CNBD1: variants seen among roughly 807,000 people sequenced by gnomAD.
The protein encoded by CNBD1 is cyclic nucleotide binding domain containing 1, also known as cyclic nucleotide-binding domain-containing protein 1.
Under a neutral mutation model 54.4 loss-of-function variants are expected in CNBD1, and 71 were observed. The ratio of observed to expected loss-of-function variants is 1.30; its 90% CI spans 1.08 to 1.59. The LOEUF is 1.59. Ranked by LOEUF, CNBD1 falls within the 40% of genes most tolerant of loss-of-function variation. The probability of loss-of-function intolerance (pLI) is 0.00; values close to 1 mark genes in which losing one functional copy is unlikely to be tolerated. For synonymous variants in CNBD1, 182 were observed against 170.7 expected (o/e 1.07, Z -0.51); for missense variants, 659 against 518.0 (o/e 1.27, Z -2.64).
intron 4 of CNBD1, among the ~76,000 whole-genome samples, chr8:86,999,876 G>A (rs191414629): frequency 1.6e-3 from 244 of 152,282 alleles, no homozygotes; most frequent in Middle Eastern, 0.01. Context: ...TTGGCCCATG[G>A]GGCAGAACCA....
intron 6 of CNBD1, among the ~76,000 whole-genome samples, chr8:87,255,988 TATATATATATATATATATATATATATA>T (rs1808001932): frequency 7.0e-4 from 8 of 11,436 alleles, no homozygotes; most frequent in South Asian, 2.8e-3. Flanking sequence ...TATATATATA[TATATATATATATATATATATATATATA>T]TTTTTTTTTT....
intron 8 of CNBD1, among the ~76,000 whole-genome samples, chr8:87,299,905 C>A (rs1300211754): frequency 6.6e-6 from 1 of 152,122 alleles, no homozygotes; most frequent in East Asian, 1.9e-4. Context: ...TCTCTCTGTT[C>A]TTTTCTCCTT....
At chr8:87,106,646 T>C (rs944512959) in intron 4 of CNBD1, among the ~76,000 whole-genome samples, 2 of 152,184 alleles carry the variant, frequency 1.3e-5, no homozygotes, top group East Asian at 3.8e-4. Context: ...TTCTCTACCC[T>C]TTTTTGGTTC....
intron 2 of CNBD1, among the ~76,000 whole-genome samples, chr8:86,901,939 A>G (rs1168160942): frequency 1.3e-5 from 2 of 152,084 alleles, no homozygotes; most frequent in Non-Finnish European, 2.9e-5. Context: ...TCTCTAATAG[A>G]TTTTGCCTCT....
intron 10 of CNBD1, among the ~76,000 whole-genome samples, chr8:87,369,777 C>G (rs905404312): frequency 1.3e-5 from 2 of 151,606 alleles, no homozygotes; most frequent in African/African-American, 4.9e-5. Context: ...GCACAATGTG[C>G]CGGTTAGTTA....
chr8:87,243,588 A>C (rs1807745998), intron 6 of CNBD1, among the ~76,000 whole-genome samples: 1 of 152,258 alleles, frequency 6.6e-6, no homozygotes, highest in East Asian at 1.9e-4. Context: ...GGTTCCCTAA[A>C]TCTTTTACCT....
intron 8 of CNBD1, among the ~76,000 whole-genome samples, chr8:87,287,360 C>T (rs1052598339): frequency 2.6e-5 from 4 of 152,092 alleles, no homozygotes; most frequent in African/African-American, 7.2e-5. Flanking sequence ...GGTAAGGAAA[C>T]ACAATTGCTA....
chr8:87,302,964 C>G (rs1809044299), intron 8 of CNBD1, among the ~76,000 whole-genome samples: 1 of 151,430 alleles, frequency 6.6e-6, no homozygotes, highest in Non-Finnish European at 1.5e-5. Context: ...GAACTACAAA[C>G]CACTGCTCAA....
chr8:87,040,509 C>T (rs530634166), intron 4 of CNBD1, among the ~76,000 whole-genome samples: 11 of 150,856 alleles, frequency 7.3e-5, no homozygotes, highest in Non-Finnish European at 1.0e-4. Context: ...CTACAAGCTC[C>T]GCCTTCCAGG....
intron 4 of CNBD1, among the ~76,000 whole-genome samples, chr8:87,031,867 A>C (rs1368087718): frequency 6.6e-6 from 1 of 152,114 alleles, no homozygotes; most frequent in Non-Finnish European, 1.5e-5. Context: ...CAGCCTCCTG[A>C]GTAGCTGGGA....
chr8:86,928,097 C>T (rs1809394833), intron 3 of CNBD1, among the ~76,000 whole-genome samples: 1 of 152,108 alleles, frequency 6.6e-6, no homozygotes, highest in South Asian at 2.1e-4. Context: ...TTGACCAATA[C>T]TAGATCTCCT....
intron 4 of CNBD1, among the ~76,000 whole-genome samples, chr8:86,965,241 A>G (rs7825908): frequency 0.95 from 143,914 of 152,270 alleles, 68,113 homozygotes; most frequent in East Asian, 1. Flanking sequence ...AAGAAACAAT[A>G]ATAGGAAAGA....
chr8:87,055,928 TTCCTTCC>T (rs1810408507), intron 4 of CNBD1, among the ~76,000 whole-genome samples: 1 of 138,380 alleles, frequency 7.2e-6, no homozygotes, highest in Non-Finnish European at 1.6e-5. Context: ...CCTTCCTTCC[TTCCTTCC>T]TTCCTTCCTT....
chr8:87,343,063 C>T (rs1297638677), intron 8 of CNBD1, among the ~76,000 whole-genome samples: 2 of 152,102 alleles, frequency 1.3e-5, no homozygotes, highest in African/African-American at 4.8e-5. Context: ...GCATTCCTTC[C>T]CCAGGGTTAT....
At chr8:87,135,993 GT>G (rs1812218934) in intron 4 of CNBD1, among the ~76,000 whole-genome samples, 1 of 152,022 alleles carries the variant, frequency 6.6e-6, no homozygotes, top group Non-Finnish European at 1.5e-5. Context: ...TGTGTGGTTA[GT>G]TGTTCAAAAA....
At chr8:87,379,554 A>G (rs1484674869) in intron 10 of CNBD1, among the ~76,000 whole-genome samples, 4 of 152,052 alleles carry the variant, frequency 2.6e-5, no homozygotes, top group Non-Finnish European at 4.4e-5. Flanking sequence ...AATTTAAAAA[A>G]AATCCATGAG....
At chr8:87,217,239 AC>A (rs1382685218) in intron 5 of CNBD1, among the ~76,000 whole-genome samples, 1 of 152,158 alleles carries the variant, frequency 6.6e-6, no homozygotes, top group Non-Finnish European at 1.5e-5. Flanking sequence ...TTATAAATAG[AC>A]CAAAAGTCAA....
intron 4 of CNBD1, among the ~76,000 whole-genome samples, chr8:87,031,473 A>T (rs1319984083): frequency 6.6e-6 from 1 of 152,118 alleles, no homozygotes; most frequent in Non-Finnish European, 1.5e-5. Flanking sequence ...GAATTGAGAG[A>T]AGCCTATGCA....
chr8:87,084,190 A>AT (rs1486349456), intron 4 of CNBD1, among the ~76,000 whole-genome samples: 4 of 152,314 alleles, frequency 2.6e-5, no homozygotes, highest in Admixed American at 2.6e-4. Flanking sequence ...CTTTAATATT[A>AT]TTTTTGCTTT....
Sources: gnomAD v4.1 joint callset for allele counts (sites outside exome capture counted in the v4.1 genomes callset) on GRCh38, gnomAD v4.1.1 for gene constraint, MANE v1.5 for transcripts, NCBI Gene and HGNC (gene_info 2026-07-23, HGNC 2026-07-21) for gene names.